DHX34: variants seen among roughly 807,000 people sequenced by gnomAD.
DHX34 encodes the protein DExH-box helicase 34.
In DHX34, 96 loss-of-function variants were observed where a neutral mutation model predicts 111.1. The observed-to-expected ratio is 0.86, with a 90% CI of 0.73 to 1.02. The LOEUF (loss-of-function observed/expected upper bound fraction) is 1.02, where lower values mean the gene tolerates loss of function less well. Ranked by LOEUF, DHX34 falls within the 50% of genes least tolerant of loss-of-function variation. DHX34 has a pLI of 0.00. For missense variants in DHX34, 1,560 were observed against 1,579.9 expected, an observed-to-expected ratio of 0.99 and a Z score of 0.21; for synonymous variants, 688 against 670.4, an observed-to-expected ratio of 1.03 and a Z score of -0.41.
intron 13 of DHX34, among the ~76,000 whole-genome samples, chr19:47,378,647 T>A (rs1277468523): frequency 6.6e-6 from 1 of 151,506 alleles, no homozygotes; most frequent in Non-Finnish European, 1.5e-5. Context: ...CTGGGCAACA[T>A]AGGGAGACTC....
intron 6 of DHX34, among the ~76,000 whole-genome samples, chr19:47,364,460 G>A (rs1340906572): frequency 1.3e-5 from 2 of 152,152 alleles, no homozygotes; most frequent in Middle Eastern, 3.4e-3. Context: ...TAGTGCTGCC[G>A]GGCACAATGA....
rs1407228609 is a variant in DHX34 at position 47,375,678 on chromosome 19, C to T, written c.2277C>T (p.Pro759=). The T allele has an allele frequency of 1.3e-6, 2 of 1,557,866 alleles. No homozygotes were observed. The highest frequency in any genetic ancestry group is 8.7e-7 in the Non-Finnish European group (1 of 1,155,634). The change falls in exon 10 of 17, where the codon CCC becomes CCT. Residue 759 remains proline, a synonymous_variant. Coordinates refer to ENST00000328771, the MANE Select transcript of DHX34 (RefSeq NM_014681.6). ...ACGAGGACAGGGCTGGCCCAGCCCCCCCAGGGGCCAGTGATGGCGTGGACA... is the reference window on the plus strand; with the variant it reads ...ACGAGGACAGGGCTGGCCCAGCCCCTCCAGGGGCCAGTGATGGCGTGGACA... ...SSDEDRAGPA[P]PGASDGVDIQ... is the part of the protein sequence containing the mutation.
intron 4 of DHX34, among the ~76,000 whole-genome samples, chr19:47,359,016 G>A (rs573645925): frequency 6.6e-6 from 1 of 152,324 alleles, no homozygotes; most frequent in South Asian, 2.1e-4. Flanking sequence ...CCTAGTGGGG[G>A]CAGTGCCAGT....
In DHX34 at chr19:47,372,759, A is replaced by C. The variant is rs1422335297; in HGVS notation, c.1798A>C (p.Ser600Arg). ...GATGCTGATCCTGGGCTCCATGTTC[A>C]GCCTGGTGGAGCCTGTGCTCACCAT... ...GKMLILGSMF[S>R]LVEPVLTIAA... Residue 600 changes from serine (S) to arginine (R), a missense_variant, in exon 8 of 17, where the codon AGC becomes CGC. Physicochemically the swap from Ser to Arg is moderately radical, Grantham distance 110. Coordinates refer to ENST00000328771, the MANE Select transcript of DHX34 (RefSeq NM_014681.6). 1 of 1,611,218 alleles carries C rather than the reference A, an allele frequency of 6.2e-7. No homozygotes were observed. The highest frequency in any genetic ancestry group is 8.5e-7 in the Non-Finnish European group (1 of 1,179,086).
At position 47,381,139 on chromosome 19, in the gene DHX34, G is replaced by T. The variant is rs567666688; in HGVS notation, c.3160-47G>T. 16 of 1,606,646 alleles carry T rather than the reference G, an allele frequency of 1.0e-5. No individual in the cohort carries two copies. In the East Asian group the frequency reaches 3.6e-4, roughly 36 times the overall value. ...GGTCCCGGGGGGGCACTTGGGTGGT[G>T]GGTGGCACTTGGCGGGGGCCCAGCC... On this transcript the variant is annotated intron_variant, in intron 15 of 16. Transcript: ENST00000328771.
chr19:47,352,859 C>A lies in DHX34; in HGVS notation c.-172C>A. 7.2e-7 allele frequency: 1 copy of A among 1,389,184 alleles called. No individual in the cohort carries two copies. The allele number at this position is 1,389,184 out of a possible 1,614,324, so 86.1% of individuals were successfully genotyped here. ...ACCAGCTCAAGCAGGCCTCTGGCCA[C>A]TTTATCATCTGTGGTGGTCCTGTGC... is the stretch of plus-strand genomic sequence containing the variant. On this transcript the variant is annotated 5_prime_UTR_variant, in exon 2 of 17. Coordinates refer to ENST00000328771, the MANE Select transcript of DHX34 (RefSeq NM_014681.6).
chr19:47,351,927 G>A (rs1969299795), intron 1 of DHX34, among the ~76,000 whole-genome samples: 1 of 152,190 alleles, frequency 6.6e-6, no homozygotes, highest in East Asian at 1.9e-4. Context: ...AGAAGTAAAG[G>A]GTTGTGCCAG....
chr19:47,375,736 G>A (rs1970128665), intron 10 of DHX34, 28 bp downstream of exon 10: 1 of 1,559,094 alleles, frequency 6.4e-7, no homozygotes, highest in African/African-American at 1.4e-5. Context: ...TGGGGTGTGG[G>A]GGTTTACCAA....
chr19:47,377,155 G>A lies in DHX34; in HGVS notation c.2655G>A (p.Leu885=), dbSNP rs576099625. ...AGCTCCTCAGCTTCGTGTCCCTGCT[G>A]GAGACCAACAAGCCGTACCTGGTGA... ...KHQLLSFVSL[L]ETNKPYLVNC... is the part of the protein sequence containing the mutation. The change falls in exon 13 of 17, where the codon CTG becomes CTA. Residue 885 remains leucine (L), a synonymous_variant. Transcript: ENST00000328771. 1.1e-5 allele frequency: 18 copies of A among 1,613,928 alleles called. No individual in the cohort carries two copies. In the African/African-American group the frequency reaches 2.3e-4, roughly 20 times the overall value.
chr19:47,355,991 T>A (rs1323082438), intron 3 of DHX34, among the ~76,000 whole-genome samples: 3 of 152,196 alleles, frequency 2.0e-5, no homozygotes, highest in Non-Finnish European at 4.4e-5. Context: ...CCTTTGTCAT[T>A]ACTCTGCCAT....
intron 5 of DHX34, among the ~76,000 whole-genome samples, chr19:47,361,566 G>A (rs1969632205): frequency 6.6e-6 from 1 of 151,940 alleles, no homozygotes. Flanking sequence ...ATCACCTGAA[G>A]TCAGGAGTTC....
At chr19:47,372,115 C>A (rs1969981819) in intron 7 of DHX34, among the ~76,000 whole-genome samples, 1 of 151,666 alleles carries the variant, frequency 6.6e-6, no homozygotes, top group Non-Finnish European at 1.5e-5. Context: ...GTGGCCTCCC[C>A]TCTGTCCTTC....
Position 47,362,702 on chromosome 19 carries a change from T to C in DHX34, c.1593+9T>C, listed in dbSNP as rs2547389. 105,995 of 1,605,952 alleles carry C rather than the reference T, an allele frequency of 0.066. 4,883 individuals are homozygous for C. The highest frequency in any genetic ancestry group is 0.23 in the African/African-American group (16,887 of 74,586). On this transcript the variant is annotated intron_variant, in intron 6 of 16. Transcript: ENST00000328771. Reference sequence around the variant, plus strand: ...ACTCGTTGGTGCTGCAGGTGAGGCATGGGCAGAAAGGGGACTATATCCTAA... The same window carrying C: ...ACTCGTTGGTGCTGCAGGTGAGGCACGGGCAGAAAGGGGACTATATCCTAA...
At position 47,362,690 on chromosome 19, in the gene DHX34, G is replaced by A. The variant is rs141740339; in HGVS notation, c.1590G>A (p.Leu530=). Residue 530 remains leucine, a synonymous_variant, in exon 6 of 17, where the codon CTG becomes CTA. Coordinates refer to ENST00000328771, the MANE Select transcript of DHX34 (RefSeq NM_014681.6). ...IRRVALDSLV[L]QMKSMSVGDP... Reference sequence around the variant, plus strand: ...GGGTGGCCCTGGACTCGTTGGTGCTGCAGGTGAGGCATGGGCAGAAAGGGG... The same window carrying A: ...GGGTGGCCCTGGACTCGTTGGTGCTACAGGTGAGGCATGGGCAGAAAGGGG... 8,991 of 1,610,454 alleles carry A rather than the reference G, an allele frequency of 5.6e-3. 306 individuals carry two copies. In the East Asian group the frequency reaches 0.072, roughly 13 times the overall value.
At chr19:47,363,686 T>C (rs1969701271) in intron 6 of DHX34, among the ~76,000 whole-genome samples, 1 of 151,752 alleles carries the variant, frequency 6.6e-6, no homozygotes, top group South Asian at 2.1e-4. Context: ...GGTGTGGTGG[T>C]GTGCACCTGT....
chr19:47,381,821 G>A, intron 16 of DHX34, 159 bp from the exon 17 acceptor site: 5 of 973,156 alleles, frequency 5.1e-6, no homozygotes, highest in African/African-American at 1.8e-5. Context: ...ACAGACCTGT[G>A]TATTTTTATT....
At chr19:47,378,391 C>T (rs973157587) in intron 13 of DHX34, among the ~76,000 whole-genome samples, 2 of 152,158 alleles carry the variant, frequency 1.3e-5, no homozygotes, top group Non-Finnish European at 2.9e-5. Flanking sequence ...TAGAGGCAGA[C>T]GGCAAACCAA....
rs776209962 is a variant in DHX34, at chr19:47,360,099, C to CA, written c.1375+30dup. On this transcript the variant is annotated intron_variant, in intron 5 of 16. Coordinates refer to ENST00000328771, the MANE Select transcript of DHX34 (RefSeq NM_014681.6). ...AGGACCACCATGAGCCCCTACCCAC[C>CA]ACCCCCAAGGACTTAGGAGCATGGG... The CA allele has an allele frequency of 5.0e-6, 8 of 1,608,772 alleles. No homozygotes were observed. In the East Asian group the frequency reaches 1.8e-4, roughly 36 times the overall value.
At position 47,379,913 on chromosome 19, in the gene DHX34, G is replaced by T. The variant is rs145312094; in HGVS notation, c.2910G>T (p.Glu970Asp). ...HQAQQQLEEE[E>D]EDTPVSPKEV... Reference sequence around the variant, plus strand: ...CCCAGCAGCAGCTGGAGGAGGAGGAGGAGGATACGCCAGTCAGCCCCAAGG... The same window carrying T: ...CCCAGCAGCAGCTGGAGGAGGAGGATGAGGATACGCCAGTCAGCCCCAAGG... The change falls in exon 14 of 17, where the codon GAG (glutamate) becomes GAT (aspartate). Residue 970 changes from glutamate (E) to aspartate (D), a missense_variant. Glu to Asp is a conservative substitution (Grantham distance 45). Coordinates refer to ENST00000328771, the MANE Select transcript of DHX34 (RefSeq NM_014681.6). 3.1e-6 allele frequency: 5 copies of T among 1,610,694 alleles called. No homozygotes were observed. In the African/African-American group the frequency reaches 6.7e-5, roughly 22 times the overall value.
Sources: gnomAD v4.1 joint callset for allele counts (sites outside exome capture counted in the v4.1 genomes callset) on GRCh38, gnomAD v4.1.1 for gene constraint, MANE v1.5 for transcripts, NCBI Gene and HGNC (gene_info 2026-07-23, HGNC 2026-07-21) for gene names.